CTNNA3: variants seen among roughly 807,000 people sequenced by gnomAD.
CTNNA3 encodes catenin alpha-3.
A neutral mutation model predicts 95.7 loss-of-function variants in CTNNA3; 76 were observed. That is an observed-to-expected ratio of 0.79 (90% confidence interval 0.66 to 0.96). The LOEUF (loss-of-function observed/expected upper bound fraction) is 0.96. CTNNA3 is among the 40% of genes least tolerant of loss of function. The probability of loss-of-function intolerance (pLI) is 0.00; values close to 1 mark genes in which losing one functional copy is unlikely to be tolerated. For missense variants in CTNNA3, 1,191 were observed against 1,089.8 expected, an observed-to-expected ratio of 1.09 and a Z score of -1.31; for synonymous variants, 431 against 374.4, an observed-to-expected ratio of 1.15 and a Z score of -1.74.
chr10:67,284,432 G>A (rs1839515711), intron 5 of CTNNA3, among the ~76,000 whole-genome samples: 1 of 152,066 alleles, frequency 6.6e-6, no homozygotes, highest in African/African-American at 2.4e-5. Context: ...GTATTATTTT[G>A]TTCAAAAGCA....
At chr10:66,465,819 C>T (rs575000919) in intron 11 of CTNNA3, among the ~76,000 whole-genome samples, 2 of 152,056 alleles carry the variant, frequency 1.3e-5, no homozygotes, top group African/African-American at 4.8e-5. Flanking sequence ...GATAGGGATC[C>T]CACAGAATTG....
chr10:66,008,956 C>T (rs1427313455), intron 15 of CTNNA3, among the ~76,000 whole-genome samples: 2 of 152,096 alleles, frequency 1.3e-5, no homozygotes, highest in African/African-American at 4.8e-5. Flanking sequence ...AAAAATTATC[C>T]GTATGTAGTG....
rs147730943 is a variant in CTNNA3 at position 66,516,063 on chromosome 10, G to GAAAAAAAA, written c.1531+4553_1531+4554insTTTTTTTT. Among the ~76,000 whole-genome samples, 28 of 123,890 alleles carry GAAAAAAAA rather than the reference G, an allele frequency of 2.3e-4. 6 individuals carry two copies. Among genetic ancestry groups the GAAAAAAAA allele is most frequent in the South Asian group, 5.7e-4 (2 of 3,520 alleles). The allele number at this position is 123,890 out of a possible 152,430, so 81.3% of individuals were successfully genotyped here. Reference sequence around the variant, plus strand: ...CTATTCAAACTATGATTAATTATCTGGAAAAAAAAAAAAAAAAGGTAACCC... The same window carrying GAAAAAAAA: ...CTATTCAAACTATGATTAATTATCTGAAAAAAAAGAAAAAAAAAAAAAAAAGGTAACCC... On this transcript the variant is annotated intron_variant, in intron 11 of 17. Coordinates refer to ENST00000433211, the MANE Select transcript of CTNNA3 (RefSeq NM_013266.4).
At chr10:66,359,232 G>A (rs1358138397) in intron 12 of CTNNA3, among the ~76,000 whole-genome samples, 2 of 151,500 alleles carry the variant, frequency 1.3e-5, no homozygotes, top group Non-Finnish European at 2.9e-5. Context: ...ACAGGTAAAT[G>A]TTGATAGATA....
At chr10:66,490,620 C>T (rs2441741) in intron 11 of CTNNA3, among the ~76,000 whole-genome samples, 32,031 of 151,804 alleles carry the variant, frequency 0.21, 6,415 homozygotes, top group East Asian at 0.84. Context: ...AACATTTCTA[C>T]AGTATCATTA....
intron 15 of CTNNA3, among the ~76,000 whole-genome samples, chr10:66,031,422 G>C (rs1405751686): frequency 6.6e-6 from 1 of 152,164 alleles, no homozygotes; most frequent in Admixed American, 6.5e-5. Context: ...AGATGCAGCT[G>C]GAGGCTATTA....
At chr10:67,240,211 A>C (rs1239007641) in intron 5 of CTNNA3, among the ~76,000 whole-genome samples, 1 of 152,248 alleles carries the variant, frequency 6.6e-6, no homozygotes, top group Non-Finnish European at 1.5e-5. Flanking sequence ...TAAGATGTGC[A>C]GCAGAAAAGC....
chr10:66,166,166 T>C (rs1438082332), intron 13 of CTNNA3, among the ~76,000 whole-genome samples: 2 of 152,042 alleles, frequency 1.3e-5, no homozygotes, highest in African/African-American at 4.8e-5. Context: ...AGAAAAAAGT[T>C]TCACAGAGGC....
intron 5 of CTNNA3, among the ~76,000 whole-genome samples, chr10:67,238,115 A>G (rs987215755): frequency 1.3e-5 from 2 of 152,190 alleles, no homozygotes; most frequent in Middle Eastern, 3.2e-3. Flanking sequence ...TTGGAAGAAA[A>G]AGGTGAACAC....
intron 11 of CTNNA3, among the ~76,000 whole-genome samples, chr10:66,401,043 C>T (rs1277177644): frequency 1.3e-5 from 2 of 152,078 alleles, no homozygotes; most frequent in Non-Finnish European, 2.9e-5. Flanking sequence ...GAGGCATTAA[C>T]ATATAGATAA....
intron 7 of CTNNA3, among the ~76,000 whole-genome samples, chr10:66,788,892 T>A (rs1840854950): frequency 6.6e-6 from 1 of 152,152 alleles, no homozygotes; most frequent in Admixed American, 6.6e-5. Context: ...CCAGTCAACC[T>A]GGTGAGAATC....
At chr10:67,119,348 T>C (rs376285177) in intron 7 of CTNNA3, among the ~76,000 whole-genome samples, 1 of 151,926 alleles carries the variant, frequency 6.6e-6, no homozygotes, top group Non-Finnish European at 1.5e-5. Context: ...ACGTTAACCA[T>C]TGTTTGAGCT....
chr10:67,583,361 T>G (rs891991368), intron 3 of CTNNA3, among the ~76,000 whole-genome samples: 3 of 152,236 alleles, frequency 2.0e-5, no homozygotes, highest in African/African-American at 7.2e-5. Flanking sequence ...GAAAATTCTT[T>G]TCTTTAAGAA....
intron 1 of CTNNA3, among the ~76,000 whole-genome samples, chr10:67,661,844 C>A (rs1306840827): frequency 6.6e-6 from 1 of 152,156 alleles, no homozygotes; most frequent in African/African-American, 2.4e-5. Context: ...TACTCCTCCA[C>A]ACATGCTAGA....
chr10:67,500,147 G>A (rs1839182289), intron 5 of CTNNA3, among the ~76,000 whole-genome samples: 2 of 152,116 alleles, frequency 1.3e-5, no homozygotes, highest in Non-Finnish European at 2.9e-5. Context: ...GTTCTCATTG[G>A]TTTCAAAGAA....
chr10:66,811,543 A>G (rs1841876160), intron 7 of CTNNA3, among the ~76,000 whole-genome samples: 1 of 152,204 alleles, frequency 6.6e-6, no homozygotes, highest in Non-Finnish European at 1.5e-5. Context: ...TTTGAACGGA[A>G]GAGTTCTTAG....
At chr10:66,778,590 A>G (rs1206516463) in intron 7 of CTNNA3, among the ~76,000 whole-genome samples, 1 of 152,160 alleles carries the variant, frequency 6.6e-6, no homozygotes, top group Non-Finnish European at 1.5e-5. Flanking sequence ...TGTCAGGCAG[A>G]TAGACACTCA....
intron 7 of CTNNA3, among the ~76,000 whole-genome samples, chr10:66,779,021 A>C (rs1318751248): frequency 6.6e-6 from 1 of 152,088 alleles, no homozygotes; most frequent in Non-Finnish European, 1.5e-5. Context: ...GTAAATAAGA[A>C]ATAGACAACC....
chr10:67,289,293 G>A (rs948546000), intron 5 of CTNNA3, among the ~76,000 whole-genome samples: 8 of 152,122 alleles, frequency 5.3e-5, no homozygotes, highest in Non-Finnish European at 7.3e-5. Context: ...AGAGAGGAGA[G>A]AAAGAAAGCA....
Sources: gnomAD v4.1 joint callset for allele counts (sites outside exome capture counted in the v4.1 genomes callset) on GRCh38, gnomAD v4.1.1 for gene constraint, MANE v1.5 for transcripts, NCBI Gene and HGNC (gene_info 2026-07-23, HGNC 2026-07-21) for gene names.